TLE2: variants seen among roughly 807,000 people sequenced by gnomAD.
TLE2 encodes the protein transducin-like enhancer protein 2.
TLE2 carries 74 observed loss-of-function variants against 97.2 expected under a neutral mutation model. The ratio of observed to expected loss-of-function variants is 0.76; its 90% confidence interval spans 0.63 to 0.92. The LOEUF is 0.92. TLE2 is among the 40% of genes least tolerant of loss of function. The pLI, the probability that TLE2 is intolerant of heterozygous loss-of-function variation, is 0.00. For missense variants in TLE2, 1,038 were observed against 1,008.7 expected, an observed-to-expected ratio of 1.03 and a Z score of -0.39; for synonymous variants, 499 against 432.1, an observed-to-expected ratio of 1.15 and a Z score of -1.92.
At chr19:3,027,721 C>T in intron 4 of TLE2, 108 bp downstream of exon 4, 1 of 1,087,010 alleles carries the variant, frequency 9.2e-7, no homozygotes, top group Non-Finnish European at 1.3e-6. Flanking sequence ...AGGATGAGAC[C>T]CGTGTTCCCT....
rs571026159 is a variant in TLE2 at position 3,009,945 on chromosome 19, C to T, written c.1013-243G>A. ...CTGTCGCCAGGCTGGAGTTCAGTGG[C>T]GCGATCTCGGCTCACTGAAACCTCT... On this transcript the variant is annotated intron_variant, in intron 12 of 19. Transcript: ENST00000262953. Among the ~76,000 whole-genome samples, 64 of 150,990 alleles carry T rather than the reference C, an allele frequency of 4.2e-4. 1 individual carries two copies. The Middle Eastern group carries it at 0.014, about 33-fold the overall frequency.
intron 4 of TLE2, chr19:3,025,780 G>A (rs2089933082): frequency 4.9e-6 from 1 of 202,936 alleles, no homozygotes. Context: ...CACCAGGAGG[G>A]TGGAACTGGG....
At chr19:3,003,777 C>A (rs947402326) in intron 17 of TLE2, among the ~76,000 whole-genome samples, 4 of 151,892 alleles carry the variant, frequency 2.6e-5, no homozygotes, top group African/African-American at 9.7e-5. Context: ...CAATCATGAC[C>A]CACTGCAGCC....
At chr19:3,024,996 C>CCCCCCCCCCCCCCG in intron 5 of TLE2, 24 bp downstream of exon 5, 3 of 1,466,240 alleles carry the variant, frequency 2.0e-6, no homozygotes, top group Non-Finnish European at 2.8e-6. Flanking sequence ...TTCCCCTCCT[C>CCCCCCCCCCCCCCG]CCCCCACCCC....
chr19:3,035,885 G>T (rs2090058721), intron 1 of TLE2, among the ~76,000 whole-genome samples: 1 of 117,508 alleles, frequency 8.5e-6, no homozygotes, highest in Non-Finnish European at 1.9e-5. Context: ...GATTGGAGGA[G>T]GGGGGGCTAA....
intron 1 of TLE2, among the ~76,000 whole-genome samples, chr19:3,041,254 T>G (rs370881302): frequency 1.6e-4 from 24 of 151,488 alleles, no homozygotes; most frequent in African/African-American, 5.8e-4. Flanking sequence ...CTTGAACTCT[T>G]GACCTCAAAT....
chr19:3,002,231 GAGTATATAAAACTT>G, intron 18 of TLE2, 108 bp downstream of exon 18: 2 of 1,237,438 alleles, frequency 1.6e-6, no homozygotes, highest in Non-Finnish European at 2.2e-6. Flanking sequence ...ATTTGCTTTT[GAGTATATAAAACTT>G]AGTATATAAA....
chr19:3,006,269 T>C, intron 15 of TLE2, 151 bp downstream of exon 15: 1 of 1,304,510 alleles, frequency 7.7e-7, no homozygotes, highest in South Asian at 1.2e-5. Flanking sequence ...GCAAGCCTTG[T>C]CCCATGCGAC....
chr19:3,011,182 G>A (rs1280566474), intron 11 of TLE2, 22 bp from the exon 12 acceptor site: 1 of 1,555,336 alleles, frequency 6.4e-7, no homozygotes, highest in Non-Finnish European at 8.7e-7. Context: ...GGGCAGGACT[G>A]AAGGCCACCA....
Position 3,011,026 on chromosome 19 carries a change from G to C in TLE2, c.1008C>G (p.Ser336Arg). ...LAAKPAPSTD[S>R]VALRSPLTLS... is the part of the protein sequence containing the mutation. The stretch of plus-strand genomic sequence containing the variant: ...ACCAACAGGCAAGGTGCTCACCGAC[G>C]CTGTCCGTGGAAGGTGCTGGCTTGG... Residue 336 changes from serine to arginine, a missense_variant, in exon 12 of 20, where the codon AGC becomes AGG. Transcript: ENST00000262953. 6.2e-7 allele frequency: 1 copy of C among 1,604,678 alleles called. No individual in the cohort carries two copies. The highest frequency in any genetic ancestry group is 8.5e-7 in the Non-Finnish European group (1 of 1,176,698).
At chr19:3,031,591 A>G (rs534746178), upstream of TLE2, among the ~76,000 whole-genome samples, 37 of 151,804 alleles carry the variant, frequency 2.4e-4, no homozygotes, top group African/African-American at 8.2e-4. Context: ...CGGCCTCCCA[A>G]AGCACTGAGA....
intron 1 of TLE2, among the ~76,000 whole-genome samples, chr19:3,039,851 C>T (rs1321975043): frequency 1.3e-5 from 2 of 152,194 alleles, no homozygotes; most frequent in African/African-American, 2.4e-5. Flanking sequence ...CTGTGAGACC[C>T]AGTGTCACTG....
intron 5 of TLE2, among the ~76,000 whole-genome samples, chr19:3,021,295 C>G (rs1319823041): frequency 6.6e-6 from 1 of 151,370 alleles, no homozygotes; most frequent in Non-Finnish European, 1.5e-5. Context: ...ATCCCAGCTA[C>G]TCGGGAGGCT....
At chr19:3,010,938 C>T in intron 12 of TLE2, 84 bp downstream of exon 12, 1 of 1,490,020 alleles carries the variant, frequency 6.7e-7, no homozygotes, top group South Asian at 1.3e-5. Context: ...GGAATCCCAG[C>T]ATTCTGCCTC....
intron 5 of TLE2, chr19:3,020,450 A>G (rs2089814864): frequency 6.6e-6 from 1 of 151,906 alleles, no homozygotes; most frequent in African/African-American, 2.4e-5. Flanking sequence ...CCCCCAAGAA[A>G]AAAAAAACAC....
intron 1 of TLE2, among the ~76,000 whole-genome samples, chr19:3,039,488 C>T (rs895635684): frequency 6.6e-6 from 1 of 152,108 alleles, no homozygotes; most frequent in African/African-American, 2.4e-5. Flanking sequence ...TGAACCACGG[C>T]CAGCCTTTCT....
chr19:3,028,405 G>C, intron 2 of TLE2, 23 bp from the exon 3 acceptor site: 1 of 1,586,492 alleles, frequency 6.3e-7, no homozygotes. Flanking sequence ...GAGAGGGCAA[G>C]GGGCTCCCAC....
At chr19:3,039,224 C>CA (rs1568255750) in intron 1 of TLE2, among the ~76,000 whole-genome samples, 1,439 of 100,990 alleles carry the variant, frequency 0.014, 41 homozygotes, top group African/African-American at 0.054. Flanking sequence ...TTTCCCCACT[C>CA]CAAAAAAAAA....
rs778775077 is a variant in TLE2, at chr19:3,006,540, G to A, written c.1380C>T (p.Val460=). The A allele has an allele frequency of 6.2e-7, 1 of 1,606,410 alleles. No individual in the cohort carries two copies. The highest frequency in any genetic ancestry group is 2.2e-5 in the East Asian group (1 of 44,522). ...TGGAGCCGCTGATGGTGACCGCGCAGACCACCTCGCCATGGGCCAGCGTGT... is the reference window on the plus strand; with the variant it reads ...TGGAGCCGCTGATGGTGACCGCGCAAACCACCTCGCCATGGGCCAGCGTGT... ...QLHTLAHGEV[V]CAVTISGSTQ... Residue 460 remains valine, a synonymous_variant, in exon 15 of 20, where the codon GTC becomes GTT. Transcript: ENST00000262953.
Sources: allele counts gnomAD v4.1 joint callset (sites outside exome capture counted in the v4.1 genomes callset), GRCh38; gene constraint gnomAD v4.1.1; transcripts MANE v1.5; gene names NCBI Gene and HGNC (gene_info 2026-07-23, HGNC 2026-07-21).